NSD1: variants seen among roughly 807,000 people sequenced by gnomAD.
NSD1 encodes histone-lysine N-methyltransferase, H3 lysine-36 specific.
In NSD1, 26 loss-of-function variants were observed where a neutral mutation model predicts 242.7. The ratio of observed to expected loss-of-function variants is 0.11; its 90% CI spans 0.08 to 0.15. The LOEUF (loss-of-function observed/expected upper bound fraction) is 0.15. Among genes scored for constraint, NSD1 ranks in the 10% least tolerant of loss-of-function variants. The pLI, the probability that NSD1 is intolerant of heterozygous loss-of-function variation, is 1.00. For missense variants in NSD1, 2,495 were observed against 3,272.8 expected, an observed-to-expected ratio of 0.76 and a Z score of 5.80; for synonymous variants, 1,106 against 1,178.1, an observed-to-expected ratio of 0.94 and a Z score of 1.25.
chr5:177,138,075 CA>C (rs1206368692), intron 2 of NSD1, among the ~76,000 whole-genome samples: 27 of 130,448 alleles, frequency 2.1e-4, no homozygotes, highest in East Asian at 4.5e-4. Context: ...AACTCTGTCT[CA>C]AAAAAAAAAA....
chr5:177,197,863 TTTG>T (rs1376733451), intron 3 of NSD1, among the ~76,000 whole-genome samples: 2 of 151,982 alleles, frequency 1.3e-5, no homozygotes, highest in East Asian at 1.9e-4. Flanking sequence ...GAGTACCTTT[TTTG>T]TTGTTGTTGG....
chr5:177,195,460 T>G (rs950392839), intron 3 of NSD1, among the ~76,000 whole-genome samples: 50 of 152,036 alleles, frequency 3.3e-4, no homozygotes, highest in Middle Eastern at 3.2e-3. Context: ...GGTGTCTCTC[T>G]CTCTCTCTCT....
chr5:177,143,358 G>A (rs1236385565), intron 2 of NSD1, among the ~76,000 whole-genome samples: 2 of 151,112 alleles, frequency 1.3e-5, no homozygotes, highest in Non-Finnish European at 2.9e-5. Flanking sequence ...GTCTTGCTCT[G>A]TTGCACAGGT....
At chr5:177,188,181 G>T (rs1761386450) in intron 2 of NSD1, among the ~76,000 whole-genome samples, 1 of 152,130 alleles carries the variant, frequency 6.6e-6, no homozygotes, top group Non-Finnish European at 1.5e-5. Flanking sequence ...TGAATTATGG[G>T]CTTAAATGGA....
intron 11 of NSD1, among the ~76,000 whole-genome samples, chr5:177,251,325 G>C (rs1012035056): frequency 6.6e-6 from 1 of 152,158 alleles, no homozygotes; most frequent in African/African-American, 2.4e-5. Context: ...TCTCTGGGAT[G>C]GTTGTAGGTA....
intron 20 of NSD1, among the ~76,000 whole-genome samples, chr5:177,286,396 G>T (rs1325385786): frequency 6.6e-6 from 1 of 152,138 alleles, no homozygotes; most frequent in East Asian, 1.9e-4. Flanking sequence ...ATTTGAGACT[G>T]GTTTTTAGTT....
intron 2 of NSD1, among the ~76,000 whole-genome samples, chr5:177,167,961 G>C (rs1218212133): frequency 6.6e-6 from 1 of 152,068 alleles, no homozygotes; most frequent in African/African-American, 2.4e-5. Context: ...TGAACCTAGG[G>C]CCTCATGCAT....
chr5:177,236,870 T>G (rs564532246), intron 6 of NSD1, among the ~76,000 whole-genome samples: 1 of 152,258 alleles, frequency 6.6e-6, no homozygotes, highest in Non-Finnish European at 1.5e-5. Context: ...TGAGACAGTG[T>G]CTTGCCCAAG....
chr5:177,211,962 G>A lies in NSD1; in HGVS notation c.3563G>A (p.Arg1188Lys). The change falls in exon 5 of 23, where the codon AGG becomes AAG. Residue 1188 changes from arginine (R) to lysine (K), a missense_variant. Around this residue, in one of 19 missense-constraint regions of NSD1, gnomAD observed 426 missense variants for 411.4 expected, o/e 1.04. Transcript: ENST00000439151. Reference sequence around the variant, plus strand: ...AAAGAAAACTCTGAGTGTGCCTTTAGGGTCTTACTTCCTAGTGACCCTGTG... The same window carrying A: ...AAAGAAAACTCTGAGTGTGCCTTTAAGGTCTTACTTCCTAGTGACCCTGTG... ...KEKENSECAF[R>K]VLLPSDPVQE... 1 of 1,609,910 alleles carries A rather than the reference G, an allele frequency of 6.2e-7. No individual in the cohort carries two copies. Among genetic ancestry groups the A allele is most frequent in the Non-Finnish European group, 8.5e-7 (1 of 1,177,426 alleles).
At chr5:177,162,814 G>A (rs537768373) in intron 2 of NSD1, among the ~76,000 whole-genome samples, 1 of 152,164 alleles carries the variant, frequency 6.6e-6, no homozygotes, top group Admixed American at 6.6e-5. Context: ...TGGCACAGGC[G>A]CTACCTCACC....
At chr5:177,192,210 T>C (rs77752841) in intron 3 of NSD1, among the ~76,000 whole-genome samples, 191 bp downstream of exon 3, 1 of 152,066 alleles carries the variant, frequency 6.6e-6, no homozygotes, top group Non-Finnish European at 1.5e-5. Flanking sequence ...AGTTTTTTTT[T>C]TTTGTTTGTT....
intron 3 of NSD1, among the ~76,000 whole-genome samples, chr5:177,199,277 A>C (rs957684365): frequency 1.3e-5 from 2 of 152,010 alleles, no homozygotes; most frequent in African/African-American, 4.8e-5. Flanking sequence ...TTTTTTTTAG[A>C]GGCAGGGTCT....
At position 177,263,651 on chromosome 5, in the gene NSD1, G is replaced by C. The variant is rs528938035; in HGVS notation, c.5146+3483G>C. Among the ~76,000 whole-genome samples, 4 of 152,322 alleles carry C rather than the reference G, an allele frequency of 2.6e-5. No individual in the cohort carries two copies. In the South Asian group the frequency reaches 8.3e-4, roughly 32 times the overall value. On this transcript the variant is annotated intron_variant, in intron 14 of 22. Coordinates refer to ENST00000439151, the MANE Select transcript of NSD1 (RefSeq NM_022455.5). Reference sequence around the variant, plus strand: ...ACGTAAAGCAGTTTCTTTGCATACTGATGGTTATCTTGAGTTAAAGCACTC... The same window carrying C: ...ACGTAAAGCAGTTTCTTTGCATACTCATGGTTATCTTGAGTTAAAGCACTC...
At chr5:177,147,521 CTTTT>C (rs1385344026) in intron 2 of NSD1, among the ~76,000 whole-genome samples, 1 of 151,902 alleles carries the variant, frequency 6.6e-6, no homozygotes. Context: ...TTGGGATTGT[CTTTT>C]TTTCCCTTAG....
At chr5:177,178,116 A>T (rs1025833715) in intron 2 of NSD1, among the ~76,000 whole-genome samples, 3 of 151,982 alleles carry the variant, frequency 2.0e-5, no homozygotes, top group Admixed American at 2.0e-4. Flanking sequence ...GCTGGCCTCA[A>T]ACTCTTGGGC....
At chr5:177,192,796 A>G (rs1761805902) in intron 3 of NSD1, among the ~76,000 whole-genome samples, 1 of 152,142 alleles carries the variant, frequency 6.6e-6, no homozygotes, top group Admixed American at 6.6e-5. Flanking sequence ...CTCCCAAAGT[A>G]TGGGGATTAC....
intron 4 of NSD1, among the ~76,000 whole-genome samples, chr5:177,208,592 A>G (rs1763084419): frequency 6.7e-6 from 1 of 149,268 alleles, no homozygotes; most frequent in Non-Finnish European, 1.5e-5. Context: ...CAGTGGCGTG[A>G]TCTCAGCTCA....
At chr5:177,146,723 G>A (rs1023993796) in intron 2 of NSD1, among the ~76,000 whole-genome samples, 4 of 151,850 alleles carry the variant, frequency 2.6e-5, no homozygotes, top group African/African-American at 9.7e-5. Context: ...CTAAATGTTC[G>A]CTGGGTGCAG....
At chr5:177,275,713 G>A (rs931889500) in intron 17 of NSD1, among the ~76,000 whole-genome samples, 13 of 152,058 alleles carry the variant, frequency 8.5e-5, no homozygotes, top group African/African-American at 2.4e-4. Context: ...GATTACAGGC[G>A]TGAGCCACTG....
Sources: gnomAD v4.1 joint callset for allele counts (sites outside exome capture counted in the v4.1 genomes callset) on GRCh38, gnomAD v4.1.1 for gene constraint, gnomAD v4.1.1 regional missense constraint, MANE v1.5 for transcripts, NCBI Gene and HGNC (gene_info 2026-07-23, HGNC 2026-07-21) for gene names.